ERAP1: variants seen among roughly 807,000 people sequenced by gnomAD.
ERAP1 encodes endoplasmic reticulum aminopeptidase 1.
A neutral mutation model predicts 103.7 loss-of-function variants in ERAP1; 86 were observed. The ratio of observed to expected loss-of-function variants is 0.83; its 90% confidence interval spans 0.70 to 0.99. The LOEUF (loss-of-function observed/expected upper bound fraction) is 0.99, where lower values mean the gene tolerates loss of function less well. Among genes scored for constraint, ERAP1 ranks in the 50% least tolerant of loss-of-function variants. The pLI is 0.00. For missense variants in ERAP1, 1,009 were observed against 1,128.4 expected, an observed-to-expected ratio of 0.89 and a Z score of 1.52; for synonymous variants, 398 against 402.4, an observed-to-expected ratio of 0.99 and a Z score of 0.13.
At chr5:96,935,532 C>G in the ERAP1 span, 1 of 152,946 alleles carries the variant, frequency 6.5e-6, no homozygotes, top group African/African-American at 2.4e-5. Context: ...CCGCAGGTTC[C>G]TGCTCTGCCT....
At chr5:96,873,622 A>T in the ERAP1 span, 1 of 366,426 alleles carries the variant, frequency 2.7e-6, no homozygotes, top group South Asian at 2.0e-5. Context: ...GCTCATCCAG[A>T]AGTGGAAAGC....
intron 1 of ERAP1, chr5:96,804,554 C>A (rs866987241): frequency 5.1e-5 from 8 of 156,186 alleles, no homozygotes; most frequent in African/African-American, 1.9e-4. Flanking sequence ...AAGTTAATTA[C>A]CTATTTATTT....
At chr5:96,856,365 T>TATATATATATATATAGAG in the ERAP1 span, among the ~76,000 whole-genome samples, 152 of 20,322 alleles carry the variant, frequency 7.5e-3, 5 homozygotes, top group Non-Finnish European at 0.012. Context: ...TATATATATA[T>TATATATATATATATAGAG]AGAGAGAGAG....
chr5:96,890,046 A>T, the ERAP1 span, among the ~76,000 whole-genome samples: 16 of 152,202 alleles, frequency 1.1e-4, no homozygotes, highest in African/African-American at 3.6e-4. Context: ...ACAGATTTTT[A>T]AAAAATTGCA....
the ERAP1 span, among the ~76,000 whole-genome samples, chr5:96,845,139 C>G: frequency 6.6e-6 from 1 of 152,068 alleles, no homozygotes; most frequent in Non-Finnish European, 1.5e-5. Context: ...GAGAGTTAAA[C>G]TGGGAATAGA....
intron 18 of ERAP1, 85 bp downstream of exon 18, chr5:96,780,338 C>A: frequency 1.0e-6 from 1 of 975,054 alleles, no homozygotes; most frequent in Non-Finnish European, 1.5e-6. Context: ...ACTCACCACA[C>A]CCTCAAAGTA....
At chr5:96,804,105 GTTTC>G (rs1282145307) in intron 1 of ERAP1, among the ~76,000 whole-genome samples, 162 bp from the exon 2 acceptor site, 1 of 152,144 alleles carries the variant, frequency 6.6e-6, no homozygotes, top group East Asian at 1.9e-4. Context: ...CTATGTTATG[GTTTC>G]ATATAAGAAA....
chr5:96,918,266 T>C, the ERAP1 span: 1 of 152,396 alleles, frequency 6.6e-6, no homozygotes, highest in Non-Finnish European at 1.5e-5. Context: ...CTTCACGCTA[T>C]GCCACTATTT....
chr5:96,778,784 T>A (rs1159717492), intron 18 of ERAP1, among the ~76,000 whole-genome samples: 1 of 151,794 alleles, frequency 6.6e-6, no homozygotes, highest in African/African-American at 2.4e-5. Context: ...TGAGAAAGGA[T>A]TGAATGGGGG....
chr5:96,871,497 T>A, the ERAP1 span, among the ~76,000 whole-genome samples: 1 of 152,234 alleles, frequency 6.6e-6, no homozygotes, highest in South Asian at 2.1e-4. Context: ...TTGGTTTTAA[T>A]CGGTTGGTTG....
the ERAP1 span, among the ~76,000 whole-genome samples, chr5:96,924,142 T>A: frequency 2.5e-3 from 387 of 152,380 alleles, 6 homozygotes; most frequent in Admixed American, 0.022. Context: ...ATGGTATATG[T>A]CTGTGTCATG....
chr5:96,896,872 T>C, the ERAP1 span: 1 of 1,570,066 alleles, frequency 6.4e-7, no homozygotes, highest in African/African-American at 1.4e-5. Context: ...ATGTAAGTCA[T>C]ATGTTGGGTA....
exon 20 of ERAP1, chr5:96,761,418 G>A (rs1767912612): frequency 6.6e-6 from 1 of 152,086 alleles, no homozygotes; most frequent in African/African-American, 2.4e-5. Context: ...TGGACAATAA[G>A]TATCTTATAG....
intron 10 of ERAP1, 30 bp from the exon 11 acceptor site, chr5:96,788,715 CA>C: frequency 6.2e-7 from 1 of 1,611,152 alleles, no homozygotes; most frequent in Non-Finnish European, 8.5e-7. Flanking sequence ...GCAGACACAT[CA>C]CCCATTTAAC....
intron 7 of ERAP1, among the ~76,000 whole-genome samples, chr5:96,793,054 T>C (rs1175588450): frequency 4.6e-5 from 7 of 152,208 alleles, no homozygotes. Context: ...TATTGAGATA[T>C]CAGTAATCTG....
At chr5:96,917,478 A>G in the ERAP1 span, 2 of 1,602,470 alleles carry the variant, frequency 1.2e-6, no homozygotes, top group Non-Finnish European at 8.5e-7. Flanking sequence ...CTATTTTTTG[A>G]ATCTCTTGAG....
the ERAP1 span, among the ~76,000 whole-genome samples, chr5:96,875,161 C>T: frequency 1.3e-5 from 2 of 152,106 alleles, no homozygotes; most frequent in Non-Finnish European, 2.9e-5. Flanking sequence ...GATTGAAGGC[C>T]ATTGTGAGGA....
At chr5:96,776,753 GC>G in intron 18 of ERAP1, 1 of 675,256 alleles carries the variant, frequency 1.5e-6, no homozygotes, top group South Asian at 2.1e-5. Flanking sequence ...TTTTTTGTCT[GC>G]AGTTCTTTTG....
the ERAP1 span, among the ~76,000 whole-genome samples, chr5:96,879,085 G>A: frequency 3.3e-5 from 5 of 152,090 alleles, no homozygotes; most frequent in Non-Finnish European, 5.9e-5. Context: ...CGAGTGTGGC[G>A]GTGTGTGTCT....
Sources: gnomAD v4.1 joint callset for allele counts (sites outside exome capture counted in the v4.1 genomes callset) on GRCh38, gnomAD v4.1.1 for gene constraint, MANE v1.5 for transcripts, NCBI Gene and HGNC (gene_info 2026-07-23, HGNC 2026-07-21) for gene names.